Variants in OLFM3 observed in about 807,000 individuals in gnomAD.
OLFM3 encodes olfactomedin 3, also known as noelin-3.
Under a neutral mutation model 48.6 loss-of-function variants are expected in OLFM3, and 20 were observed. The ratio of observed to expected loss-of-function variants is 0.41; its 90% CI spans 0.29 to 0.60. The LOEUF is 0.60. Ranked by LOEUF, OLFM3 falls within the 20% of genes least tolerant of loss-of-function variation. The probability of loss-of-function intolerance (pLI) is 0.28; values close to 1 mark genes in which losing one functional copy is unlikely to be tolerated. For missense variants in OLFM3, 437 were observed against 544.3 expected (o/e 0.80, Z 1.96); for synonymous variants, 222 against 198.1 (o/e 1.12, Z -1.01).
At chr1:101,814,983 G>C (rs970068362) in intron 4 of OLFM3, among the ~76,000 whole-genome samples, 1 of 152,188 alleles carries the variant, frequency 6.6e-6, no homozygotes, top group South Asian at 2.1e-4. Context: ...GACGAGATTG[G>C]AGAGATGAGT....
chr1:101,915,306 C>CT (rs1658886364), intron 1 of OLFM3, among the ~76,000 whole-genome samples: 1 of 151,818 alleles, frequency 6.6e-6, no homozygotes, highest in African/African-American at 2.4e-5. Context: ...TACACTTCTG[C>CT]TTTTTAAAAA....
intron 4 of OLFM3, among the ~76,000 whole-genome samples, chr1:101,822,607 T>C (rs1654662584): frequency 1.3e-5 from 2 of 152,134 alleles, no homozygotes; most frequent in South Asian, 4.1e-4. Context: ...TAACCAGATA[T>C]TTTATGAGCT....
chr1:101,973,583 C>T (rs1660869241), intron 1 of OLFM3, among the ~76,000 whole-genome samples: 1 of 152,076 alleles, frequency 6.6e-6, no homozygotes, highest in African/African-American at 2.4e-5. Flanking sequence ...TCATAGAGGC[C>T]ATGGAAAGAA....
At chr1:101,863,377 A>T (rs988323864) in intron 1 of OLFM3, among the ~76,000 whole-genome samples, 1 of 152,226 alleles carries the variant, frequency 6.6e-6, no homozygotes, top group Admixed American at 6.5e-5. Flanking sequence ...ACCAGCCAAG[A>T]TTTACTTCTT....
At chr1:101,882,279 A>G (rs1365633282) in intron 1 of OLFM3, among the ~76,000 whole-genome samples, 1 of 148,806 alleles carries the variant, frequency 6.7e-6, no homozygotes, top group South Asian at 2.1e-4. Flanking sequence ...AAAATCAACA[A>G]AACAACACTA....
intron 1 of OLFM3, among the ~76,000 whole-genome samples, chr1:101,855,187 A>G (rs779824165): frequency 1.4e-4 from 22 of 152,076 alleles, no homozygotes; most frequent in Non-Finnish European, 2.5e-4. Context: ...TGTTTTATTG[A>G]GAAGCTTCCT....
chr1:101,846,854 C>CGG (rs1260464393), intron 1 of OLFM3: 1 of 1,611,524 alleles, frequency 6.2e-7, no homozygotes, highest in Non-Finnish European at 8.5e-7. Flanking sequence ...CTAAGGTATC[C>CGG]GGAGTCGACA....
In OLFM3 at chr1:101,927,572, G is replaced by A. The variant is rs143556031; in HGVS notation, c.69+69176C>T. ...CTGTTTGGCTTTTCTAAAGCCTAAGGTCTTGTTCCCAAACCTCCTTACTTT... is the reference window on the plus strand; with the variant it reads ...CTGTTTGGCTTTTCTAAAGCCTAAGATCTTGTTCCCAAACCTCCTTACTTT... On this transcript the variant is annotated intron_variant, in intron 1 of 5. Coordinates refer to ENST00000370103, the MANE Select transcript of OLFM3 (RefSeq NM_058170.4). Among the ~76,000 whole-genome samples the A allele has an allele frequency of 4.7e-3, 712 of 151,886 alleles. 12 individuals carry two copies. The highest frequency in any genetic ancestry group is 0.016 in the African/African-American group (652 of 41,492).
chr1:101,822,831 T>TTAATCTTTTGTGTGTGTGTGTGTG (rs1654674098), intron 4 of OLFM3, among the ~76,000 whole-genome samples: 1 of 150,080 alleles, frequency 6.7e-6, no homozygotes. Context: ...TGTTTACCTA[T>TTAATCTTTTGTGTGTGTGTGTGTG]TGTATATTAA....
intron 1 of OLFM3, among the ~76,000 whole-genome samples, chr1:101,939,062 C>A (rs1659707777): frequency 6.6e-6 from 1 of 151,876 alleles, no homozygotes; most frequent in South Asian, 2.1e-4. Flanking sequence ...TTGGTAAAAT[C>A]CCTGCAATGC....
intron 1 of OLFM3, among the ~76,000 whole-genome samples, chr1:101,913,543 C>T (rs1658825729): frequency 6.6e-6 from 1 of 152,058 alleles, no homozygotes; most frequent in Non-Finnish European, 1.5e-5. Flanking sequence ...AGCCTACTTC[C>T]ACTTTAGAAC....
chr1:101,882,331 A>AAT (rs200162567), intron 1 of OLFM3, among the ~76,000 whole-genome samples: 1,576 of 107,364 alleles, frequency 0.015, 26 homozygotes, highest in African/African-American at 0.036. Context: ...ATATATATAT[A>AAT]ATATATATAT....
chr1:101,931,367 G>A (rs1195602720), intron 1 of OLFM3, among the ~76,000 whole-genome samples: 1 of 152,166 alleles, frequency 6.6e-6, no homozygotes, highest in Non-Finnish European at 1.5e-5. Flanking sequence ...CTCTTGTAGA[G>A]GGTGGGAAAT....
At chr1:101,967,297 C>T (rs1660639918) in intron 1 of OLFM3, among the ~76,000 whole-genome samples, 1 of 53,718 alleles carries the variant, frequency 1.9e-5, no homozygotes, top group Non-Finnish European at 4.1e-5. Flanking sequence ...TTCATTTTGG[C>T]CAAAAAACAA....
intron 1 of OLFM3, among the ~76,000 whole-genome samples, chr1:101,890,545 T>C (rs1011856540): frequency 6.6e-5 from 10 of 152,014 alleles, no homozygotes; most frequent in African/African-American, 1.9e-4. Context: ...AGAGCCAACA[T>C]GAAAATATCA....
intron 1 of OLFM3, among the ~76,000 whole-genome samples, chr1:101,908,401 C>T (rs12730852): frequency 0.11 from 16,644 of 152,184 alleles, 1,235 homozygotes; most frequent in Middle Eastern, 0.19. Flanking sequence ...ATTATATGTG[C>T]TAAAAGCTCT....
intron 1 of OLFM3, among the ~76,000 whole-genome samples, chr1:101,904,777 T>TTATGAAAA (rs1188727398): frequency 1.3e-5 from 2 of 152,076 alleles, no homozygotes; most frequent in Non-Finnish European, 2.9e-5. Flanking sequence ...ACTCTTACAA[T>TTATGAAAA]TATGAAAAAC....
intron 1 of OLFM3, among the ~76,000 whole-genome samples, chr1:101,956,095 T>TTTA (rs1553183046): frequency 2.1e-5 from 3 of 143,714 alleles, no homozygotes; most frequent in African/African-American, 7.7e-5. Flanking sequence ...GGTTTTTTTT[T>TTTA]TTTTTTTTAA....
intron 1 of OLFM3, among the ~76,000 whole-genome samples, chr1:101,965,644 A>G (rs1660588532): frequency 6.6e-6 from 1 of 152,220 alleles, no homozygotes; most frequent in Admixed American, 6.5e-5. Flanking sequence ...GATATTGTTC[A>G]TAGGTTCAAT....
Sources: gnomAD v4.1 joint callset for allele counts (sites outside exome capture counted in the v4.1 genomes callset) on GRCh38, gnomAD v4.1.1 for gene constraint, MANE v1.5 for transcripts, NCBI Gene and HGNC (gene_info 2026-07-23, HGNC 2026-07-21) for gene names.